ERBB4: variants seen among roughly 807,000 people sequenced by gnomAD.
ERBB4 encodes the protein receptor tyrosine-protein kinase erbB-4.
In ERBB4, 42 loss-of-function variants were observed where a neutral mutation model predicts 158.0. The ratio of observed to expected loss-of-function variants is 0.27; its 90% CI spans 0.21 to 0.34. The LOEUF (loss-of-function observed/expected upper bound fraction) is 0.34, where lower values mean the gene tolerates loss of function less well. ERBB4 is among the 10% of genes least tolerant of loss of function. ERBB4 has a pLI of 1.00. For synonymous variants in ERBB4, 583 were observed against 558.7 expected (o/e 1.04, Z -0.61); for missense variants, 1,333 against 1,624.1 (o/e 0.82, Z 3.08).
intron 1 of ERBB4, among the ~76,000 whole-genome samples, chr2:212,446,474 C>A (rs115142527): frequency 0.032 from 4,779 of 148,242 alleles, 138 homozygotes; most frequent in South Asian, 0.052. Context: ...TCGAACTCCA[C>A]GTTCTTCAGT....
intron 20 of ERBB4, among the ~76,000 whole-genome samples, chr2:211,457,665 C>G (rs2064417496): frequency 6.6e-6 from 1 of 152,154 alleles, no homozygotes; most frequent in African/African-American, 2.4e-5. Context: ...TCATGCATGC[C>G]TAACCCACAA....
At chr2:212,251,891 G>C (rs1219564669) in intron 1 of ERBB4, among the ~76,000 whole-genome samples, 2 of 151,896 alleles carry the variant, frequency 1.3e-5, no homozygotes, top group Non-Finnish European at 2.9e-5. Context: ...TTACATTTTA[G>C]CACTCTAGCT....
intron 2 of ERBB4, among the ~76,000 whole-genome samples, chr2:211,960,024 A>G (rs1356131807): frequency 1.3e-5 from 2 of 152,102 alleles, no homozygotes; most frequent in African/African-American, 4.8e-5. Context: ...CCTGAGGAAT[A>G]TTGGAGAAGG....
At chr2:211,753,612 C>T (rs2075200270) in intron 4 of ERBB4, among the ~76,000 whole-genome samples, 2 of 151,880 alleles carry the variant, frequency 1.3e-5, no homozygotes, top group South Asian at 4.1e-4. Context: ...AATCTAATTC[C>T]CAGGGGCTTG....
intron 22 of ERBB4, among the ~76,000 whole-genome samples, chr2:211,427,723 G>A (rs2063659719): frequency 6.6e-6 from 1 of 151,900 alleles, no homozygotes; most frequent in Non-Finnish European, 1.5e-5. Context: ...CCACAAAAAA[G>A]TTGGTTTTGT....
At chr2:211,738,480 T>C (rs1320617295) in intron 5 of ERBB4, among the ~76,000 whole-genome samples, 2 of 150,440 alleles carry the variant, frequency 1.3e-5, no homozygotes, top group Non-Finnish European at 3.0e-5. Context: ...GGGATTCTCC[T>C]GCCTCAGCCT....
intron 19 of ERBB4, among the ~76,000 whole-genome samples, chr2:211,588,329 T>C (rs999496552): frequency 7.9e-5 from 12 of 152,110 alleles, no homozygotes; most frequent in Admixed American, 3.9e-4. Context: ...TTTGGGGCTA[T>C]ATAAATGCAT....
intron 1 of ERBB4, among the ~76,000 whole-genome samples, chr2:212,521,189 G>A (rs1692140083): frequency 6.6e-6 from 1 of 151,770 alleles, no homozygotes; most frequent in South Asian, 2.1e-4. Context: ...TCTCTTGAAG[G>A]CACTTTAAAA....
chr2:211,929,398 T>A (rs1015628239), intron 3 of ERBB4, among the ~76,000 whole-genome samples: 2 of 151,808 alleles, frequency 1.3e-5, no homozygotes, highest in African/African-American at 2.4e-5. Context: ...TAAAAAGTAA[T>A]CAAAAAGAAA....
At chr2:211,567,649 CA>C (rs35019557) in intron 19 of ERBB4, among the ~76,000 whole-genome samples, 6 of 151,876 alleles carry the variant, frequency 4.0e-5, no homozygotes, top group African/African-American at 1.2e-4. Context: ...TAAGTCCTGG[CA>C]AAAAAGCTGG....
At chr2:211,692,206 A>G (rs967100010) in intron 12 of ERBB4, among the ~76,000 whole-genome samples, 1 of 152,180 alleles carries the variant, frequency 6.6e-6, no homozygotes, top group African/African-American at 2.4e-5. Flanking sequence ...ATGAAGAATG[A>G]GAATTTGCCT....
chr2:212,046,402 A>G (rs1176373234), intron 2 of ERBB4, among the ~76,000 whole-genome samples: 1 of 152,176 alleles, frequency 6.6e-6, no homozygotes, highest in Non-Finnish European at 1.5e-5. Context: ...CCACTATGCA[A>G]CAATAAATCT....
chr2:211,463,853 C>T (rs1367483021), intron 20 of ERBB4, among the ~76,000 whole-genome samples: 1 of 152,018 alleles, frequency 6.6e-6, no homozygotes, highest in African/African-American at 2.4e-5. Flanking sequence ...ATCTAGTCCC[C>T]ATTACCTCTC....
At chr2:212,025,778 G>T (rs1027753369) in intron 2 of ERBB4, among the ~76,000 whole-genome samples, 6 of 151,684 alleles carry the variant, frequency 4.0e-5, no homozygotes, top group African/African-American at 1.5e-4. Flanking sequence ...GTCATCTTCA[G>T]AAGAGTCCCT....
chr2:212,232,174 T>C (rs1032722641), intron 1 of ERBB4, among the ~76,000 whole-genome samples: 20 of 152,154 alleles, frequency 1.3e-4, no homozygotes, highest in Admixed American at 1.2e-3. Flanking sequence ...TTAACATATT[T>C]ATCAATGAGT....
chr2:212,240,567 A>T (rs1057111694), intron 1 of ERBB4, among the ~76,000 whole-genome samples: 1 of 130,490 alleles, frequency 7.7e-6, no homozygotes, highest in African/African-American at 2.9e-5. Flanking sequence ...CGGGAGGCGG[A>T]GGTTGCAGTC....
intron 3 of ERBB4, among the ~76,000 whole-genome samples, chr2:211,800,872 G>A (rs1031118743): frequency 6.6e-6 from 1 of 152,066 alleles, no homozygotes; most frequent in African/African-American, 2.4e-5. Context: ...TTAAAAGAAA[G>A]CCAATTTTAT....
At chr2:211,832,655 T>C (rs2077249297) in intron 3 of ERBB4, among the ~76,000 whole-genome samples, 1 of 150,780 alleles carries the variant, frequency 6.6e-6, no homozygotes, top group Non-Finnish European at 1.5e-5. Context: ...ACCAGCATCC[T>C]TGTGTATCAG....
chr2:212,108,977 T>C (rs1370166040), intron 2 of ERBB4, among the ~76,000 whole-genome samples: 8 of 152,110 alleles, frequency 5.3e-5, no homozygotes, highest in South Asian at 2.1e-4. Context: ...GATGTGAGAA[T>C]TGGGGACAGA....
Sources: allele counts gnomAD v4.1 joint callset (sites outside exome capture counted in the v4.1 genomes callset), GRCh38; gene constraint gnomAD v4.1.1; transcripts MANE v1.5; gene names NCBI Gene and HGNC (gene_info 2026-07-23, HGNC 2026-07-21).